STK31: variants seen among roughly 807,000 people sequenced by gnomAD.
STK31 encodes serine/threonine kinase 31.
In STK31, 89 loss-of-function variants were observed where a neutral mutation model predicts 129.7. The observed-to-expected ratio is 0.69, with a 90% CI of 0.58 to 0.82. The LOEUF (loss-of-function observed/expected upper bound fraction) is 0.82, where lower values mean the gene tolerates loss of function less well. Ranked by LOEUF, STK31 falls within the 40% of genes least tolerant of loss-of-function variation. The probability of loss-of-function intolerance (pLI) is 0.00; values close to 1 mark genes in which losing one functional copy is unlikely to be tolerated. For synonymous variants in STK31, 448 were observed against 395.3 expected, an observed-to-expected ratio of 1.13 and a Z score of -1.58; for missense variants, 1,187 against 1,176.4, an observed-to-expected ratio of 1.01 and a Z score of -0.13.
intron 6 of STK31, among the ~76,000 whole-genome samples, chr7:23,733,950 AG>A (rs1787576922): frequency 6.6e-6 from 1 of 152,230 alleles, no homozygotes; most frequent in Admixed American, 6.5e-5. Context: ...GGCCACAAAA[AG>A]GTTAAGAATT....
rs769393256 is a variant in STK31, at chr7:23,786,649, T to C, written c.2400+16T>C. The C allele has an allele frequency of 2.4e-5, 38 of 1,605,000 alleles. No homozygotes were observed. The highest frequency in any genetic ancestry group is 3.5e-5 in the Admixed American group (2 of 57,488). ...TTTATGTAAGGTAAAGTTCTTATGC[T>C]AATCTCTTGCAGAAACCATTTTATC... On this transcript the variant is annotated intron_variant, in intron 19 of 23. Transcript: ENST00000355870.
intron 8 of STK31, among the ~76,000 whole-genome samples, chr7:23,744,232 A>G (rs1038595019): frequency 2.0e-5 from 3 of 150,356 alleles, no homozygotes; most frequent in African/African-American, 7.4e-5. Context: ...GATCTAGTAT[A>G]TTGTTGAAGC....
intron 6 of STK31, among the ~76,000 whole-genome samples, chr7:23,735,260 G>C (rs1213925447): frequency 6.6e-6 from 1 of 151,964 alleles, no homozygotes; most frequent in Non-Finnish European, 1.5e-5. Flanking sequence ...AATCTGCTGG[G>C]TTAAAAAAAA....
chr7:23,796,352 C>G (rs566269481), intron 22 of STK31, among the ~76,000 whole-genome samples: 84 of 122,018 alleles, frequency 6.9e-4, no homozygotes, highest in African/African-American at 2.0e-3. Flanking sequence ...GTAAACATAT[C>G]AAGTTTTTTT....
intron 23 of STK31, among the ~76,000 whole-genome samples, chr7:23,824,009 T>A (rs1032312086): frequency 2.6e-5 from 4 of 152,214 alleles, no homozygotes; most frequent in African/African-American, 7.2e-5. Flanking sequence ...AGCCTTGTAG[T>A]ATAGTTTGAA....
chr7:23,804,625 G>A (rs975301686), intron 22 of STK31, among the ~76,000 whole-genome samples: 1 of 152,086 alleles, frequency 6.6e-6, no homozygotes, highest in African/African-American at 2.4e-5. Flanking sequence ...ATTTCTAGGA[G>A]ATGTTAGTGG....
intron 22 of STK31, among the ~76,000 whole-genome samples, chr7:23,796,841 A>G (rs1466527792): frequency 6.6e-6 from 1 of 152,210 alleles, no homozygotes; most frequent in Non-Finnish European, 1.5e-5. Flanking sequence ...ATCAAGACCC[A>G]TCAGTGTGCT....
At chr7:23,790,981 A>G (rs1407765013) in intron 22 of STK31, 35 bp downstream of exon 22, 1 of 1,422,264 alleles carries the variant, frequency 7.0e-7, no homozygotes, top group Non-Finnish European at 9.3e-7. Flanking sequence ...GATCATATAT[A>G]TATATATTTC....
At chr7:23,819,324 G>C (rs1311928883) in intron 23 of STK31, among the ~76,000 whole-genome samples, 1 of 151,992 alleles carries the variant, frequency 6.6e-6, no homozygotes, top group African/African-American at 2.4e-5. Flanking sequence ...ACTGTTTTTT[G>C]CTACTTTCTG....
chr7:23,747,343 T>C (rs1162720132), intron 8 of STK31, among the ~76,000 whole-genome samples: 1 of 151,454 alleles, frequency 6.6e-6, no homozygotes, highest in Non-Finnish European at 1.5e-5. Context: ...ATTTTAAAAA[T>C]AGAAATAAGT....
chr7:23,722,064 A>G (rs906193883), intron 4 of STK31: 2 of 164,340 alleles, frequency 1.2e-5, no homozygotes, highest in Non-Finnish European at 1.3e-5. Context: ...AATCGTCTGA[A>G]GCCTTCTTCT....
chr7:23,713,148 AACCTGG>A (rs1383332115), intron 3 of STK31, among the ~76,000 whole-genome samples: 1 of 152,150 alleles, frequency 6.6e-6, no homozygotes, highest in Non-Finnish European at 1.5e-5. Flanking sequence ...TACTTAGAGA[AACCTGG>A]ATGATATAGC....
intron 1 of STK31, chr7:23,710,709 G>A (rs1385457267): frequency 9.2e-7 from 1 of 1,089,516 alleles, no homozygotes; most frequent in Non-Finnish European, 1.1e-6. Context: ...AGATTTGGAC[G>A]TACTATTTTG....
intron 20 of STK31, 148 bp from the exon 21 acceptor site, chr7:23,787,832 C>G: frequency 1.6e-6 from 1 of 635,996 alleles, no homozygotes; most frequent in Non-Finnish European, 2.4e-6. Flanking sequence ...AAGCCTTCAT[C>G]TGGTCTTTCT....
chr7:23,717,050 C>T (rs985860908), intron 3 of STK31, among the ~76,000 whole-genome samples: 13 of 144,574 alleles, frequency 9.0e-5, no homozygotes, highest in Non-Finnish European at 6.0e-5. Flanking sequence ...CCTCCCACCT[C>T]GGCCCTCCAA....
At chr7:23,772,999 C>T (rs973380281) in intron 15 of STK31, among the ~76,000 whole-genome samples, 4 of 151,988 alleles carry the variant, frequency 2.6e-5, no homozygotes, top group African/African-American at 9.7e-5. Context: ...CTATTCTGGG[C>T]TTTGGGGAAG....
At chr7:23,774,495 C>G (rs528908649) in intron 15 of STK31, among the ~76,000 whole-genome samples, 3 of 152,316 alleles carry the variant, frequency 2.0e-5, no homozygotes, top group South Asian at 2.1e-4. Context: ...GAGATCGTAT[C>G]TCACTGTGGT....
At chr7:23,827,679 A>C (rs1030788501) in intron 23 of STK31, among the ~76,000 whole-genome samples, 2 of 151,960 alleles carry the variant, frequency 1.3e-5, no homozygotes, top group African/African-American at 4.8e-5. Context: ...TCTGATTTTT[A>C]GAGTTTCCGG....
intron 10 of STK31, among the ~76,000 whole-genome samples, chr7:23,759,558 A>G (rs762808957): frequency 1.3e-4 from 20 of 152,184 alleles, no homozygotes; most frequent in Non-Finnish European, 1.5e-5. Context: ...TCATATTAAT[A>G]ATTTCCTTCA....
Sources: allele counts gnomAD v4.1 joint callset (sites outside exome capture counted in the v4.1 genomes callset), GRCh38; gene constraint gnomAD v4.1.1; transcripts MANE v1.5; gene names NCBI Gene and HGNC (gene_info 2026-07-23, HGNC 2026-07-21).